The following SEC11A variants were observed in gnomAD, a reference collection of about 807,000 sequenced individuals.
SEC11A encodes signal peptidase complex catalytic subunit SEC11A.
A neutral mutation model predicts 25.6 loss-of-function variants in SEC11A; 14 were observed. That is an observed-to-expected ratio of 0.55 (90% CI 0.36 to 0.85). The LOEUF (loss-of-function observed/expected upper bound fraction) is 0.85, where lower values mean the gene tolerates loss of function less well. Ranked by LOEUF, SEC11A falls within the 40% of genes least tolerant of loss-of-function variation. The pLI is 0.01. For synonymous variants in SEC11A, 83 were observed against 76.4 expected (o/e 1.09, Z -0.45); for missense variants, 153 against 222.9 (o/e 0.69, Z 2.00).
intron 3 of SEC11A, 42 bp from the exon 4 acceptor site, chr15:84,680,874 T>C (rs1247224567): frequency 3.9e-6 from 6 of 1,551,992 alleles, no homozygotes; most frequent in Admixed American, 1.9e-5. Context: ...AATACCTTCA[T>C]GGCATTTAAA....
At chr15:84,699,169 G>T (rs958622291) in intron 1 of SEC11A, among the ~76,000 whole-genome samples, 5 of 151,944 alleles carry the variant, frequency 3.3e-5, no homozygotes, top group African/African-American at 1.2e-4. Context: ...ACAAAATTTA[G>T]CCAGGCGTGG....
At chr15:84,680,572 A>G (rs1217468097) in intron 4 of SEC11A, 141 bp downstream of exon 4, 2 of 868,748 alleles carry the variant, frequency 2.3e-6, no homozygotes, top group Non-Finnish European at 3.2e-6. Context: ...TTAAGAAGCA[A>G]AATTTTCAAA....
In SEC11A at chr15:84,716,139, T is replaced by G; in HGVS notation, c.-64A>C. 1 of 1,513,724 alleles carries G rather than the reference T, an allele frequency of 6.6e-7. No individual in the cohort carries two copies. The allele number at this position is 1,513,724 out of a possible 1,614,324, so 93.8% of individuals were successfully genotyped here. On this transcript the variant is annotated 5_prime_UTR_variant, in exon 1 of 6. Transcript: ENST00000268220. ...CGCGATGACCAGCGGGCGGAACTAC[T>G]GGAGCTCGGGTCGGGCTCACACTGG...
intron 1 of SEC11A, among the ~76,000 whole-genome samples, chr15:84,712,349 G>C (rs1295934523): frequency 1.3e-5 from 2 of 152,014 alleles, no homozygotes; most frequent in East Asian, 3.8e-4. Context: ...GGAGCAACAG[G>C]AACTCTCATT....
chr15:84,690,378 T>A (rs548062900), intron 2 of SEC11A, among the ~76,000 whole-genome samples: 9 of 152,314 alleles, frequency 5.9e-5, no homozygotes, highest in Admixed American at 2.0e-4. Flanking sequence ...AGTAAACCTC[T>A]TTCTTTCGTA....
At chr15:84,688,234 A>G (rs535626297) in intron 2 of SEC11A, among the ~76,000 whole-genome samples, 186 of 152,346 alleles carry the variant, frequency 1.2e-3, no homozygotes, top group African/African-American at 4.4e-3. Flanking sequence ...TTATATGTTC[A>G]ACTCATTTAG....
At chr15:84,707,010 T>G (rs1283577057) in intron 1 of SEC11A, among the ~76,000 whole-genome samples, 1 of 152,068 alleles carries the variant, frequency 6.6e-6, no homozygotes, top group Non-Finnish European at 1.5e-5. Flanking sequence ...TGCTCTCCTT[T>G]GCAGTCTCAC....
intron 1 of SEC11A, among the ~76,000 whole-genome samples, chr15:84,708,434 C>T (rs1481367647): frequency 1.3e-5 from 2 of 151,928 alleles, no homozygotes; most frequent in Non-Finnish European, 2.9e-5. Context: ...AAAGTAGTGG[C>T]TTTATCCTCT....
intron 4 of SEC11A, chr15:84,672,991 C>T (rs1596066432): frequency 3.1e-5 from 7 of 226,620 alleles, no homozygotes; most frequent in South Asian, 2.5e-4. Context: ...TGCCTGGCAA[C>T]CGCCCCCTCT....
intron 2 of SEC11A, among the ~76,000 whole-genome samples, chr15:84,688,842 T>C (rs1266947689): frequency 6.6e-6 from 1 of 151,890 alleles, no homozygotes. Flanking sequence ...ACCAGCCTGA[T>C]CAACACAGTG....
intron 1 of SEC11A, among the ~76,000 whole-genome samples, chr15:84,714,201 A>G (rs547952657): frequency 3.3e-5 from 5 of 152,106 alleles, no homozygotes; most frequent in African/African-American, 1.2e-4. Flanking sequence ...TTTTTAGTAG[A>G]GAGGGGGTTT....
intron 1 of SEC11A, among the ~76,000 whole-genome samples, chr15:84,707,366 A>G (rs1288219896): frequency 6.6e-6 from 1 of 151,642 alleles, no homozygotes. Context: ...TTGTATTTTT[A>G]GTAGAGAAAG....
intron 1 of SEC11A, 76 bp downstream of exon 1, chr15:84,715,949 G>C: frequency 2.8e-6 from 4 of 1,403,948 alleles, no homozygotes; most frequent in Non-Finnish European, 4.0e-6. Context: ...CAGAACCCTG[G>C]GGTCCGCCGG....
At chr15:84,708,460 C>T (rs950587461) in intron 1 of SEC11A, among the ~76,000 whole-genome samples, 1 of 151,958 alleles carries the variant, frequency 6.6e-6, no homozygotes, top group African/African-American at 2.4e-5. Context: ...GGATACACCT[C>T]CTATTTGCTT....
chr15:84,684,069 G>C (rs1897351256), intron 3 of SEC11A, among the ~76,000 whole-genome samples: 1 of 152,168 alleles, frequency 6.6e-6, no homozygotes, highest in Non-Finnish European at 1.5e-5. Context: ...AGCTAAATGG[G>C]TACAGAATAA....
At chr15:84,714,545 A>G (rs1241492288) in intron 1 of SEC11A, among the ~76,000 whole-genome samples, 1 of 152,258 alleles carries the variant, frequency 6.6e-6, no homozygotes, top group Non-Finnish European at 1.5e-5. Context: ...TCTTTTTACA[A>G]CAATAAAAGT....
At chr15:84,696,079 C>T (rs529476745) in intron 1 of SEC11A, among the ~76,000 whole-genome samples, 74 of 152,178 alleles carry the variant, frequency 4.9e-4, no homozygotes, top group Non-Finnish European at 1.0e-3. Flanking sequence ...TGAACATTTT[C>T]GCCGAGACAA....
chr15:84,714,670 A>T (rs1242714418), intron 1 of SEC11A: 1 of 152,162 alleles, frequency 6.6e-6, no homozygotes, highest in Non-Finnish European at 1.5e-5. Flanking sequence ...TAACTTCTAT[A>T]CTGTATTGCT....
At position 84,679,853 on chromosome 15, in the gene SEC11A, T is replaced by TA. The variant is rs995597377; in HGVS notation, c.431+859dup. Reference sequence around the variant, plus strand: ...GTCTCTGGTACACAATAAGCCCTAATAAACGTGAGTTATTGTTAATACTAT... The same window carrying TA: ...GTCTCTGGTACACAATAAGCCCTAATAAAACGTGAGTTATTGTTAATACTAT... On this transcript the variant is annotated intron_variant, in intron 4 of 5. Coordinates refer to ENST00000268220, the MANE Select transcript of SEC11A (RefSeq NM_014300.4). The TA allele has an allele frequency of 2.5e-5, 26 of 1,046,424 alleles. No individual in the cohort carries two copies. In the African/African-American group the frequency reaches 2.9e-4, roughly 12 times the overall value. The allele number at this position is 1,046,424 out of a possible 1,614,324, so 64.8% of individuals were successfully genotyped here. A position where few individuals can be genotyped will look rare whatever the true frequency, so the allele number is the denominator to read the frequency against.
Sources: gnomAD v4.1 joint callset for allele counts (sites outside exome capture counted in the v4.1 genomes callset) on GRCh38, gnomAD v4.1.1 for gene constraint, MANE v1.5 for transcripts, NCBI Gene and HGNC (gene_info 2026-07-23, HGNC 2026-07-21) for gene names.